Variants in TMEM272 observed in about 807,000 individuals in gnomAD.
TMEM272 encodes the protein transmembrane protein 272.
In TMEM272, 8 loss-of-function variants were observed where a neutral mutation model predicts 3.7. The ratio of observed to expected loss-of-function variants is 2.17; its 90% CI spans 1.27 to 3.91. The LOEUF is 3.91. Among genes scored for constraint, TMEM272 ranks in the 30% most tolerant of loss-of-function variants. The pLI is 0.00. For synonymous variants in TMEM272, 63 were observed against 39.8 expected, an observed-to-expected ratio of 1.58 and a Z score of -2.20; for missense variants, 166 against 91.5, an observed-to-expected ratio of 1.81 and a Z score of -3.32.
intron 1 of TMEM272, among the ~76,000 whole-genome samples, chr13:51,839,178 C>T (rs1293046048): frequency 6.6e-6 from 1 of 152,134 alleles, no homozygotes; most frequent in African/African-American, 2.4e-5. Context: ...ACCCCGGCTC[C>T]CCTGTGGACC....
intron 1 of TMEM272, 108 bp from the exon 2 acceptor site, chr13:51,838,661 T>C (rs1030996798): frequency 1.2e-5 from 8 of 687,196 alleles, no homozygotes; most frequent in Non-Finnish European, 1.9e-5. Context: ...GTGGTCTCAG[T>C]CAGCCCGGGT....
At chr13:51,855,574 T>G in the TMEM272 span, among the ~76,000 whole-genome samples, 1 of 152,142 alleles carries the variant, frequency 6.6e-6, no homozygotes, top group African/African-American at 2.4e-5. Flanking sequence ...TGGATAAATT[T>G]GGTACCAGAA....
the TMEM272 span, among the ~76,000 whole-genome samples, chr13:51,890,238 G>T: frequency 2.0e-5 from 3 of 152,136 alleles, no homozygotes; most frequent in Non-Finnish European, 4.4e-5. Context: ...GTTGAAATTC[G>T]ATCTCCAATA....
chr13:51,863,070 G>A, the TMEM272 span, among the ~76,000 whole-genome samples: 1 of 152,216 alleles, frequency 6.6e-6, no homozygotes, highest in Non-Finnish European at 1.5e-5. Flanking sequence ...GGGAAAGGAT[G>A]TACAGGAATT....
At position 51,826,415 on chromosome 13, in the gene TMEM272, A is replaced by G. The variant is rs141372332; in HGVS notation, c.118+151T>C. ...ATGTGTATTTTTTAAATCTTCACCAAGTCATTCTGAGATGGCACATAGGTG... is the reference window on the plus strand; with the variant it reads ...ATGTGTATTTTTTAAATCTTCACCAGGTCATTCTGAGATGGCACATAGGTG... On this transcript the variant is annotated intron_variant, in intron 3 of 4. Coordinates refer to ENST00000629372, the MANE Select transcript of TMEM272 (RefSeq NM_001351003.2). 7.7e-3 allele frequency among the ~76,000 whole-genome samples: 1,173 copies of G among 152,298 alleles called. 13 individuals are homozygous for G. Among genetic ancestry groups the G allele is most frequent in the African/African-American group, 0.027 (1,133 of 41,562 alleles).
the TMEM272 span, among the ~76,000 whole-genome samples, chr13:51,926,019 A>ATG: frequency 5.3e-5 from 8 of 151,952 alleles, no homozygotes; most frequent in African/African-American, 1.9e-4. Context: ...GCATATATGT[A>ATG]TGTGAGGTGC....
chr13:51,895,057 A>C, the TMEM272 span, among the ~76,000 whole-genome samples: 12 of 152,202 alleles, frequency 7.9e-5, no homozygotes, highest in Middle Eastern at 3.4e-3. Context: ...CAGGAGGTGG[A>C]GCTCAGGTGG....
chr13:51,836,009 T>C (rs1002774567), intron 2 of TMEM272, among the ~76,000 whole-genome samples: 7 of 152,222 alleles, frequency 4.6e-5, no homozygotes, highest in Non-Finnish European at 7.3e-5. Flanking sequence ...GGCTGAAGTA[T>C]TGCATTTGTT....
chr13:51,866,904 C>T, the TMEM272 span, among the ~76,000 whole-genome samples: 1 of 152,160 alleles, frequency 6.6e-6, no homozygotes, highest in Non-Finnish European at 1.5e-5. Context: ...GGGCTTCCTG[C>T]TTTCATCTAT....
chr13:51,931,285 G>A, the TMEM272 span, among the ~76,000 whole-genome samples: 1 of 137,658 alleles, frequency 7.3e-6, no homozygotes, highest in African/African-American at 2.7e-5. Flanking sequence ...CCATAAAAAA[G>A]GATGAGTTCG....
the TMEM272 span, among the ~76,000 whole-genome samples, chr13:51,919,704 G>A: frequency 2.0e-5 from 3 of 152,176 alleles, no homozygotes; most frequent in Non-Finnish European, 4.4e-5. Context: ...CTAAGCAGAC[G>A]TCTCGGCTGT....
At chr13:51,928,555 C>T in the TMEM272 span, among the ~76,000 whole-genome samples, 3 of 152,218 alleles carry the variant, frequency 2.0e-5, no homozygotes, top group Non-Finnish European at 2.9e-5. Flanking sequence ...CTGTTGAGAT[C>T]GCCTGTGACC....
At chr13:51,919,857 T>A in the TMEM272 span, among the ~76,000 whole-genome samples, 2 of 152,172 alleles carry the variant, frequency 1.3e-5, no homozygotes, top group African/African-American at 4.8e-5. Context: ...CCCACTCAAA[T>A]GCAAGCAAAG....
At chr13:51,834,539 T>C (rs964789169) in intron 2 of TMEM272, among the ~76,000 whole-genome samples, 1 of 152,246 alleles carries the variant, frequency 6.6e-6, no homozygotes, top group Non-Finnish European at 1.5e-5. Flanking sequence ...AATGTGCTAT[T>C]TCTCCTGGCC....
the TMEM272 span, among the ~76,000 whole-genome samples, chr13:51,899,010 T>C: frequency 1.3e-5 from 2 of 152,324 alleles, no homozygotes; most frequent in African/African-American, 4.8e-5. Context: ...CTGTCTAGAC[T>C]GCATGTCTTA....
the TMEM272 span, chr13:51,909,356 A>G: frequency 3.4e-6 from 3 of 871,150 alleles, no homozygotes; most frequent in East Asian, 7.8e-5. Flanking sequence ...CCAGCTCTTC[A>G]GTGGCATGGC....
chr13:51,921,911 CGTGT>C, the TMEM272 span, among the ~76,000 whole-genome samples: 3 of 151,784 alleles, frequency 2.0e-5, no homozygotes, highest in South Asian at 4.2e-4. Context: ...CCACTGTGTG[CGTGT>C]GTGTGTGTAT....
At chr13:51,907,833 T>C in the TMEM272 span, among the ~76,000 whole-genome samples, 2 of 152,234 alleles carry the variant, frequency 1.3e-5, no homozygotes, top group African/African-American at 4.8e-5. Context: ...AAATCAACTA[T>C]AATTTATTCA....
chr13:51,839,710 A>G (rs1192328276), intron 1 of TMEM272, among the ~76,000 whole-genome samples: 1 of 152,148 alleles, frequency 6.6e-6, no homozygotes, highest in Non-Finnish European at 1.5e-5. Context: ...GGTCATGATG[A>G]CAGAAGGAGA....
Sources: allele counts gnomAD v4.1 joint callset (sites outside exome capture counted in the v4.1 genomes callset), GRCh38; gene constraint gnomAD v4.1.1; transcripts MANE v1.5; gene names NCBI Gene and HGNC (gene_info 2026-07-23, HGNC 2026-07-21).